Variants in RPTOR observed in about 807,000 individuals in gnomAD.
RPTOR encodes regulatory associated protein of MTOR complex 1, also known as regulatory-associated protein of mTOR.
A neutral mutation model predicts 169.9 loss-of-function variants in RPTOR; 21 were observed. The observed-to-expected ratio is 0.12, with a 90% CI of 0.09 to 0.18. The LOEUF (loss-of-function observed/expected upper bound fraction) is 0.18, where lower values mean the gene tolerates loss of function less well. Among genes scored for constraint, RPTOR ranks in the 10% least tolerant of loss-of-function variants. RPTOR has a pLI of 1.00. For synonymous variants in RPTOR, 732 were observed against 753.2 expected (o/e 0.97, Z 0.46); for missense variants, 1,133 against 1,855.9 (o/e 0.61, Z 7.16).
At chr17:80,582,297 C>T (rs930714499) in intron 1 of RPTOR, among the ~76,000 whole-genome samples, 17 of 152,112 alleles carry the variant, frequency 1.1e-4, no homozygotes, top group African/African-American at 4.1e-4. Context: ...ACATCAGTTT[C>T]CTGTAAGGTG....
intron 10 of RPTOR, among the ~76,000 whole-genome samples, chr17:80,843,412 C>T (rs562796819): frequency 1.6e-5 from 2 of 124,316 alleles, no homozygotes; most frequent in African/African-American, 6.5e-5. Flanking sequence ...CAGAGTGAGA[C>T]TCTGTCTCAA....
intron 13 of RPTOR, among the ~76,000 whole-genome samples, chr17:80,869,556 C>T (rs998888280): frequency 1.3e-5 from 2 of 152,102 alleles, no homozygotes; most frequent in Non-Finnish European, 2.9e-5. Context: ...TAGTTGGATC[C>T]TGGATCAAAA....
chr17:80,786,649 G>A (rs548457753), intron 6 of RPTOR, among the ~76,000 whole-genome samples: 2 of 152,190 alleles, frequency 1.3e-5, no homozygotes, highest in African/African-American at 4.8e-5. Context: ...ATTGGCTACC[G>A]CAGGGGGTCT....
intron 13 of RPTOR, among the ~76,000 whole-genome samples, chr17:80,873,685 C>T (rs2068075517): frequency 6.6e-6 from 1 of 152,178 alleles, no homozygotes; most frequent in South Asian, 2.1e-4. Context: ...CTCGGTGTGC[C>T]CCAAAGTCTG....
chr17:80,880,351 G>A (rs2068172623), intron 13 of RPTOR, 64 bp from the exon 14 acceptor site: 5 of 1,363,734 alleles, frequency 3.7e-6, no homozygotes, highest in Admixed American at 3.4e-5. Flanking sequence ...CACGCACCAT[G>A]AGAAGCTTGT....
chr17:80,910,224 G>C (rs1335591099), intron 21 of RPTOR, among the ~76,000 whole-genome samples: 13 of 151,900 alleles, frequency 8.6e-5, no homozygotes. Context: ...ACTGTGGCCT[G>C]GGACTGCCTG....
At chr17:80,864,845 A>AT (rs1255650564) in intron 13 of RPTOR, among the ~76,000 whole-genome samples, 1 of 152,078 alleles carries the variant, frequency 6.6e-6, no homozygotes, top group Non-Finnish European at 1.5e-5. Context: ...TGCACTCTTA[A>AT]TTTTTTTTCC....
At position 80,630,972 on chromosome 17, in the gene RPTOR, G is replaced by C. The variant is rs536698875; in HGVS notation, c.265+5179G>C. 6.8e-3 allele frequency among the ~76,000 whole-genome samples: 1,035 copies of C among 152,296 alleles called. 7 individuals carry two copies. Among genetic ancestry groups the C allele is most frequent in the Non-Finnish European group, 0.01 (701 of 68,028 alleles). On this transcript the variant is annotated intron_variant, in intron 2 of 33. Coordinates refer to ENST00000306801, the MANE Select transcript of RPTOR (RefSeq NM_020761.3). ...GCAGGCCCTGGGCATCTGGGCCTTG[G>C]GCGTAGTGCGGTTGCAGTGTTTTCA...
intron 24 of RPTOR, among the ~76,000 whole-genome samples, chr17:80,928,662 T>G (rs946276743): frequency 4.6e-5 from 7 of 152,236 alleles, no homozygotes; most frequent in African/African-American, 1.7e-4. Context: ...CACCTTTGAT[T>G]GGTGAAGCAA....
At chr17:80,705,081 G>C (rs1424305230) in intron 3 of RPTOR, among the ~76,000 whole-genome samples, 1 of 152,234 alleles carries the variant, frequency 6.6e-6, no homozygotes, top group Non-Finnish European at 1.5e-5. Flanking sequence ...CACGCTCCGT[G>C]CTTCTCTGAG....
At chr17:80,700,709 ATGGTGGTGG>A (rs1567864608) in intron 3 of RPTOR, among the ~76,000 whole-genome samples, 2 of 28,706 alleles carry the variant, frequency 7.0e-5, no homozygotes, top group African/African-American at 2.7e-4. Context: ...GGTGGTGGTG[ATGGTGGTGG>A]TGGTGGTGGT....
intron 13 of RPTOR, among the ~76,000 whole-genome samples, chr17:80,867,478 A>T (rs1257674002): frequency 6.6e-6 from 1 of 152,220 alleles, no homozygotes; most frequent in African/African-American, 2.4e-5. Flanking sequence ...TGAATGCAAG[A>T]TGAAGCCATC....
chr17:80,639,584 C>T (rs1261665662), intron 2 of RPTOR, among the ~76,000 whole-genome samples: 1 of 152,196 alleles, frequency 6.6e-6, no homozygotes, highest in Non-Finnish European at 1.5e-5. Flanking sequence ...ACACAGCCCG[C>T]ACTGTGGGCT....
Position 80,905,648 on chromosome 17 carries a change from C to A in RPTOR, c.2402-3163C>A, listed in dbSNP as rs550172029. On this transcript the variant is annotated intron_variant, in intron 20 of 33. Transcript: ENST00000306801. ...AGTAGCAGCTAATACATCTCACACA[C>A]ACCCCCACCCCGCCCTGCACATTGC... 7.9e-5 allele frequency among the ~76,000 whole-genome samples: 12 copies of A among 152,070 alleles called. No individual in the cohort carries two copies. The East Asian group carries it at 2.1e-3, about 27-fold the overall frequency.
At chr17:80,858,325 A>C (rs1304203352) in intron 13 of RPTOR, among the ~76,000 whole-genome samples, 3 of 152,010 alleles carry the variant, frequency 2.0e-5, no homozygotes, top group African/African-American at 7.2e-5. Flanking sequence ...CCACCATTGC[A>C]TTTCTCCCCC....
intron 11 of RPTOR, among the ~76,000 whole-genome samples, chr17:80,847,715 G>A (rs748273467): frequency 2.0e-5 from 3 of 152,170 alleles, no homozygotes; most frequent in East Asian, 1.9e-4. Flanking sequence ...TTGGGTCCTC[G>A]CCTTCCTAGA....
chr17:80,922,575 G>T (rs1474612408), intron 21 of RPTOR, 149 bp from the exon 22 acceptor site: 2 of 689,082 alleles, frequency 2.9e-6, no homozygotes, highest in Non-Finnish European at 5.1e-6. Context: ...GGGGGATCCA[G>T]CTGGGGCCTT....
chr17:80,611,708 G>A (rs899132596), intron 1 of RPTOR, among the ~76,000 whole-genome samples: 2 of 149,726 alleles, frequency 1.3e-5, no homozygotes, highest in Non-Finnish European at 1.5e-5. Context: ...TAAATAGTTC[G>A]TCTATATTGA....
chr17:80,892,123 C>T (rs1293197497), intron 18 of RPTOR, among the ~76,000 whole-genome samples: 6 of 152,116 alleles, frequency 3.9e-5, no homozygotes, highest in South Asian at 4.2e-4. Context: ...TAGGAGCTTG[C>T]GGAAAAGCGC....
Sources: allele counts gnomAD v4.1 joint callset (sites outside exome capture counted in the v4.1 genomes callset), GRCh38; gene constraint gnomAD v4.1.1; transcripts MANE v1.5; gene names NCBI Gene and HGNC (gene_info 2026-07-23, HGNC 2026-07-21).